The following TMEM45B variants were observed in gnomAD, a reference collection of about 807,000 sequenced individuals.
TMEM45B encodes transmembrane protein 45B.
In TMEM45B, 29 loss-of-function variants were observed where a neutral mutation model predicts 27.3. The ratio of observed to expected loss-of-function variants is 1.06; its 90% CI spans 0.79 to 1.45. TMEM45B has a LOEUF of 1.45. Among genes scored for constraint, TMEM45B ranks in the 40% most tolerant of loss-of-function variants. TMEM45B has a pLI of 0.00. For synonymous variants in TMEM45B, 143 were observed against 134.7 expected (o/e 1.06, Z -0.43); for missense variants, 348 against 343.9 (o/e 1.01, Z -0.09).
chr11:129,857,235 C>A, intron 4 of TMEM45B, 78 bp from the exon 5 acceptor site: 2 of 1,546,322 alleles, frequency 1.3e-6, no homozygotes, highest in Non-Finnish European at 1.8e-6. Flanking sequence ...TGGGCCACTT[C>A]GGTGGCCACA....
intron 1 of TMEM45B, among the ~76,000 whole-genome samples, chr11:129,820,980 G>T (rs116234789): frequency 2.4e-3 from 368 of 152,094 alleles, no homozygotes; most frequent in African/African-American, 7.6e-3. Context: ...GAAGGATGAG[G>T]GTTTCGCTCC....
chr11:129,845,031 GAATA>G (rs1947740045), intron 1 of TMEM45B, among the ~76,000 whole-genome samples: 1 of 151,960 alleles, frequency 6.6e-6, no homozygotes, highest in African/African-American at 2.4e-5. Context: ...AAATATCAAA[GAATA>G]TATATATATT....
In TMEM45B at chr11:129,844,874, A is replaced by G. The variant is rs969710529; in HGVS notation, c.-8-7601A>G. ...AATCATCATGTTATATACCCTGAGT[A>G]TATACAATTTTTATTTGTCAATTAT... On this transcript the variant is annotated intron_variant, in intron 1 of 5. Coordinates refer to ENST00000281441, the MANE Select transcript of TMEM45B (RefSeq NM_138788.5). 6.6e-5 allele frequency among the ~76,000 whole-genome samples: 10 copies of G among 152,192 alleles called. 1 individual carries two copies. The highest frequency in any genetic ancestry group is 5.2e-4 in the Admixed American group (8 of 15,272).
rs749609042 is a variant in TMEM45B at position 129,854,702 on chromosome 11, A to T, written c.271A>T (p.Thr91Ser). 1 of 1,614,216 alleles carries T rather than the reference A, an allele frequency of 6.2e-7. No homozygotes were observed. The highest frequency in any genetic ancestry group is 8.5e-7 in the Non-Finnish European group (1 of 1,180,036). Residue 91 changes from threonine to serine, a missense_variant, in exon 3 of 6, where the codon ACC becomes TCC. Physicochemically the swap from Thr to Ser is moderately conservative, Grantham distance 58. Transcript: ENST00000281441. ...WIKLMNWQHSTMYLFFAVSGI... is the reference protein window; with the variant it reads ...WIKLMNWQHSSMYLFFAVSGI... ...AAAGTTAATGAATTGGCAGCACAGC[A>T]CCATGTACCTATTCTTTGCAGTCTC... is the stretch of plus-strand genomic sequence containing the variant.
chr11:129,831,684 T>C (rs1391770505), intron 1 of TMEM45B, among the ~76,000 whole-genome samples: 1 of 152,212 alleles, frequency 6.6e-6, no homozygotes, highest in Non-Finnish European at 1.5e-5. Context: ...CACAGCATCA[T>C]TATTCATAAC....
intron 1 of TMEM45B, among the ~76,000 whole-genome samples, chr11:129,847,651 C>T (rs1315989592): frequency 7.3e-5 from 11 of 151,704 alleles, no homozygotes; most frequent in African/African-American, 2.4e-5. Flanking sequence ...CGCCCTTAAT[C>T]CATTTAACCC....
chr11:129,820,085 G>A (rs1290092256), intron 1 of TMEM45B, among the ~76,000 whole-genome samples: 1 of 151,910 alleles, frequency 6.6e-6, no homozygotes, highest in East Asian at 1.9e-4. Flanking sequence ...AGGTCAAGGC[G>A]GGTGGATCAC....
Position 129,826,567 on chromosome 11 carries a change from A to AGAAAAAT in TMEM45B, c.-9+10669_-9+10670insGAAAAAT, listed in dbSNP as rs1555069265. ...CTGTCACAAAAAAAAAAAAAAAAAA[A>AGAAAAAT]AGGACCCTGAGAGGCTATGTGTCTT... On this transcript the variant is annotated intron_variant, in intron 1 of 5. Coordinates refer to ENST00000281441, the MANE Select transcript of TMEM45B (RefSeq NM_138788.5). 7.9e-4 allele frequency among the ~76,000 whole-genome samples: 76 copies of AGAAAAAT among 96,110 alleles called. 5 individuals are homozygous for AGAAAAAT. The highest frequency in any genetic ancestry group is 1.4e-3 in the Admixed American group (11 of 7,606). The allele number at this position is 96,110 out of a possible 152,430, so 63.1% of individuals were successfully genotyped here.
chr11:129,857,328 T>C lies in TMEM45B; in HGVS notation c.586T>C (p.Phe196Leu). Residue 196 changes from phenylalanine to leucine, a missense_variant, in exon 5 of 6, where the codon TTC (phenylalanine) becomes CTC (leucine). Physicochemically the swap from Phe to Leu is conservative, Grantham distance 22. Transcript: ENST00000281441. ...AATCCCCTAGATTGGGTTTGTGCTGTTCCCACCTTTTGGAACACCCGAATG... is the reference window on the plus strand; with the variant it reads ...AATCCCCTAGATTGGGTTTGTGCTGCTCCCACCTTTTGGAACACCCGAATG... ...TWFWQIGFVL[F>L]PPFGTPEWDQ... 2.5e-6 allele frequency: 4 copies of C among 1,614,228 alleles called. No homozygotes were observed. The highest frequency in any genetic ancestry group is 3.4e-6 in the Non-Finnish European group (4 of 1,180,038).
Position 129,855,717 on chromosome 11 carries a change from TCTA to T in TMEM45B, c.400_402del (p.Tyr134del). The T allele has an allele frequency of 6.2e-7, 1 of 1,614,080 alleles. No individual in the cohort carries two copies. The highest frequency in any genetic ancestry group is 8.5e-7 in the Non-Finnish European group (1 of 1,179,960). ...ATCTGGTTTGTGGCAGGTTTCCTCT[TCTA>T]CTACCACGTCCACAACCGGCCTCCG... On this transcript the variant is annotated inframe_deletion, in exon 4 of 6. Coordinates refer to ENST00000281441, the MANE Select transcript of TMEM45B (RefSeq NM_138788.5).
chr11:129,817,105 C>T (rs1947362411), intron 1 of TMEM45B, among the ~76,000 whole-genome samples: 1 of 152,108 alleles, frequency 6.6e-6, no homozygotes, highest in South Asian at 2.1e-4. Context: ...TGCCCTTTTC[C>T]TCCTCCTGCA....
rs1947514296 is a variant in TMEM45B at position 129,828,623 on chromosome 11, T to C, written c.-9+12725T>C. ...GTATTAACCTTGTTATTTGCAGAGT[T>C]ACAAAAAGCTGAGTCAGGTAGGTTT... On this transcript the variant is annotated intron_variant, in intron 1 of 5. Transcript: ENST00000281441. Among the ~76,000 whole-genome samples, 3 of 152,136 alleles carry C rather than the reference T, an allele frequency of 2.0e-5. No individual in the cohort carries two copies. The South Asian group carries it at 6.2e-4, about 32-fold the overall frequency.
At chr11:129,824,281 G>A (rs574597130) in intron 1 of TMEM45B, among the ~76,000 whole-genome samples, 2 of 152,182 alleles carry the variant, frequency 1.3e-5, no homozygotes, top group Non-Finnish European at 2.9e-5. Context: ...CCAGGGACCT[G>A]GAGACTTGTC....
intron 1 of TMEM45B, among the ~76,000 whole-genome samples, chr11:129,839,962 A>G (rs1302233041): frequency 2.6e-5 from 4 of 152,324 alleles, no homozygotes; most frequent in Admixed American, 2.6e-4. Flanking sequence ...TTTTTATTTA[A>G]CATGTATTTT....
At chr11:129,857,613 G>C (rs1035328261) in intron 5 of TMEM45B, 155 bp downstream of exon 5, 1 of 817,794 alleles carries the variant, frequency 1.2e-6, no homozygotes, top group Non-Finnish European at 1.9e-6. Context: ...TGCAAACAAG[G>C]GGAATGAGGC....
chr11:129,857,210 G>GGCGGTGGTCACACATGGGCCACT, intron 4 of TMEM45B, 103 bp from the exon 5 acceptor site: 1 of 1,344,152 alleles, frequency 7.4e-7, no homozygotes, highest in East Asian at 2.3e-5. Context: ...GGAACTATGA[G>GGCGGTGGTCACACATGGGCCACT]GCGGTGGTCA....
intron 1 of TMEM45B, among the ~76,000 whole-genome samples, chr11:129,850,762 G>T (rs889919968): frequency 1.3e-5 from 2 of 152,068 alleles, no homozygotes. Context: ...TAAGAACGAG[G>T]CTTTCCCCAC....
chr11:129,837,609 G>A (rs756536719), intron 1 of TMEM45B, among the ~76,000 whole-genome samples: 10 of 44,818 alleles, frequency 2.2e-4, no homozygotes, highest in Non-Finnish European at 5.1e-4. Flanking sequence ...TTGAGACAGG[G>A]TCTCCTCTGT....
intron 1 of TMEM45B, among the ~76,000 whole-genome samples, chr11:129,820,304 G>A (rs550763056): frequency 6.8e-6 from 1 of 146,250 alleles, no homozygotes; most frequent in Non-Finnish European, 1.5e-5. Flanking sequence ...CAACAAGAGC[G>A]AAACTCCATC....
Sources: gnomAD v4.1 joint callset for allele counts (sites outside exome capture counted in the v4.1 genomes callset) on GRCh38, gnomAD v4.1.1 for gene constraint, MANE v1.5 for transcripts, NCBI Gene and HGNC (gene_info 2026-07-23, HGNC 2026-07-21) for gene names.